Variants in ADAMTS2 observed in about 807,000 individuals in gnomAD.
ADAMTS2 encodes ADAM metallopeptidase with thrombospondin type 1 motif 2.
Under a neutral mutation model 123.0 loss-of-function variants are expected in ADAMTS2, and 50 were observed. That is an observed-to-expected ratio of 0.41 (90% CI 0.32 to 0.51). ADAMTS2 has a LOEUF of 0.51. Ranked by LOEUF, ADAMTS2 falls within the 20% of genes least tolerant of loss-of-function variation. The pLI, the probability that ADAMTS2 is intolerant of heterozygous loss-of-function variation, is 0.35. For synonymous variants in ADAMTS2, 678 were observed against 695.4 expected, an observed-to-expected ratio of 0.98 and a Z score of 0.39; for missense variants, 1,494 against 1,705.2, an observed-to-expected ratio of 0.88 and a Z score of 2.18.
At position 179,128,097 on chromosome 5, in the gene ADAMTS2, G is replaced by A. The variant is rs376995938; in HGVS notation, c.2479C>T (p.Arg827Trp). ...TVLVIPVGDTRVSLTYKYMIH... is the reference protein window; with the variant it reads ...TVLVIPVGDTWVSLTYKYMIH... ...ATGTATTTGTACGTCAGTGAGACCC[G>A]GGTGTCTCCCACCGGGATGACCTGT... Residue 827 changes from arginine to tryptophan, a missense_variant, in exon 17 of 22, where the codon CGG becomes TGG. Transcript: ENST00000251582. The surrounding 1 kb of genome is among the most constrained non-coding windows in gnomAD (Gnocchi z 4.9). 81 of 1,613,482 alleles carry A rather than the reference G, an allele frequency of 5.0e-5. 2 individuals carry two copies. Among genetic ancestry groups the A allele is most frequent in the South Asian group, 4.2e-4 (38 of 91,064 alleles).
At chr5:179,239,733 C>A (rs1233787629) in intron 3 of ADAMTS2, among the ~76,000 whole-genome samples, 1 of 152,026 alleles carries the variant, frequency 6.6e-6, no homozygotes, top group Non-Finnish European at 1.5e-5. Context: ...GACCAAGGAG[C>A]GTCCAGGACA....
chr5:179,343,688 A>C (rs1757846168), intron 2 of ADAMTS2, 79 bp downstream of exon 2: 2 of 1,548,772 alleles, frequency 1.3e-6, no homozygotes, highest in Admixed American at 3.8e-5. Context: ...TTGCCCTCCC[A>C]AGGGACTCCC....
intron 2 of ADAMTS2, among the ~76,000 whole-genome samples, chr5:179,339,327 A>G (rs944531497): frequency 7.9e-5 from 12 of 152,156 alleles, no homozygotes; most frequent in Admixed American, 5.9e-4. Flanking sequence ...TTGGGCCTGG[A>G]GCCGCTGGTG....
At chr5:179,295,896 C>T (rs978677073) in intron 2 of ADAMTS2, among the ~76,000 whole-genome samples, 3 of 152,128 alleles carry the variant, frequency 2.0e-5, no homozygotes, top group East Asian at 1.9e-4. Context: ...GCAAGGGAGG[C>T]GTGGAGACAG....
At chr5:179,194,972 T>C (rs1398182878) in intron 4 of ADAMTS2, among the ~76,000 whole-genome samples, 1 of 152,172 alleles carries the variant, frequency 6.6e-6, no homozygotes, top group Non-Finnish European at 1.5e-5. Flanking sequence ...ATCTGCGCAC[T>C]GCGATTCACG....
At chr5:179,241,978 C>T (rs1765680718) in intron 3 of ADAMTS2, among the ~76,000 whole-genome samples, 2 of 152,162 alleles carry the variant, frequency 1.3e-5, no homozygotes. Flanking sequence ...TCCCCAGTGG[C>T]TGTGGTGGGG....
At chr5:179,139,857 C>T (rs764883813) in intron 11 of ADAMTS2, 33 bp downstream of exon 11, 1 of 1,610,720 alleles carries the variant, frequency 6.2e-7, no homozygotes, top group Non-Finnish European at 8.5e-7. Context: ...AGCTGCCACT[C>T]AGCAAGGCCA....
intron 3 of ADAMTS2, among the ~76,000 whole-genome samples, chr5:179,218,671 C>CCATCAGGAGCG (rs1326036725): frequency 2.0e-5 from 3 of 152,196 alleles, no homozygotes; most frequent in Admixed American, 6.5e-5. Flanking sequence ...GCCGGCCTGG[C>CCATCAGGAGCG]CATCAGGAGC....
intron 10 of ADAMTS2, 67 bp downstream of exon 10, chr5:179,152,075 G>T: frequency 6.9e-7 from 1 of 1,441,938 alleles, no homozygotes; most frequent in Non-Finnish European, 9.7e-7. Context: ...TGTCCCTGGT[G>T]ACCCGGGCAC....
At chr5:179,123,215 C>G (rs1762793350) in intron 19 of ADAMTS2, among the ~76,000 whole-genome samples, 1 of 152,216 alleles carries the variant, frequency 6.6e-6, no homozygotes, top group African/African-American at 2.4e-5. Flanking sequence ...CACTAGTGCC[C>G]TCACTGGCTC....
chr5:179,224,235 C>T (rs1277580483), intron 3 of ADAMTS2, among the ~76,000 whole-genome samples: 1 of 152,170 alleles, frequency 6.6e-6, no homozygotes, highest in African/African-American at 2.4e-5. Flanking sequence ...CACGCTACCA[C>T]CGTCTTCTCC....
At chr5:179,224,168 C>T (rs766460778) in intron 3 of ADAMTS2, among the ~76,000 whole-genome samples, 31 of 152,268 alleles carry the variant, frequency 2.0e-4, no homozygotes, top group Middle Eastern at 3.4e-3. Flanking sequence ...ATGAGGGCGG[C>T]GTGAGGTCAG....
intron 3 of ADAMTS2, among the ~76,000 whole-genome samples, chr5:179,250,357 AG>A (rs1278868476): frequency 1.3e-5 from 2 of 152,244 alleles, no homozygotes; most frequent in East Asian, 3.8e-4. Flanking sequence ...CACATTGCAA[AG>A]GAAGAAGTAA....
At chr5:179,154,594 CT>C (rs1763432282) in intron 7 of ADAMTS2, among the ~76,000 whole-genome samples, 1 of 152,240 alleles carries the variant, frequency 6.6e-6, no homozygotes, top group Admixed American at 6.5e-5. Flanking sequence ...CCCAGAGCGC[CT>C]GCTCAGTCTG....
At chr5:179,315,325 T>TCG (rs547899229) in intron 2 of ADAMTS2, among the ~76,000 whole-genome samples, 1 of 151,718 alleles carries the variant, frequency 6.6e-6, no homozygotes, top group Non-Finnish European at 1.5e-5. Context: ...GAGGCCACAG[T>TCG]GCTTTGGGAA....
chr5:179,292,802 C>A (rs1388575060), intron 2 of ADAMTS2, among the ~76,000 whole-genome samples: 2 of 152,218 alleles, frequency 1.3e-5, no homozygotes, highest in Non-Finnish European at 2.9e-5. Flanking sequence ...GGAGTGCAGA[C>A]CACTGCCCAG....
At chr5:179,255,424 G>A (rs1034445271) in intron 3 of ADAMTS2, among the ~76,000 whole-genome samples, 7 of 152,206 alleles carry the variant, frequency 4.6e-5, no homozygotes, top group African/African-American at 1.7e-4. Context: ...GTCATCTCTA[G>A]AGGGTGAGGA....
intron 2 of ADAMTS2, among the ~76,000 whole-genome samples, chr5:179,339,090 C>A (rs572154439): frequency 1.3e-5 from 2 of 152,298 alleles, no homozygotes; most frequent in Admixed American, 6.5e-5. Flanking sequence ...CCGTGTTCAC[C>A]ACCCTGCACA....
chr5:179,130,216 GC>G lies in ADAMTS2; in HGVS notation c.2291-119del. The G allele has an allele frequency of 7.6e-7, 1 of 1,311,762 alleles. No homozygotes were observed. The highest frequency in any genetic ancestry group is 1.1e-6 in the Non-Finnish European group (1 of 929,164). 81.3% of individuals were successfully genotyped at this position (1,311,762 alleles called of 1,614,324 possible). On this transcript the variant is annotated intron_variant, in intron 15 of 21. Coordinates refer to ENST00000251582, the MANE Select transcript of ADAMTS2 (RefSeq NM_014244.5). This position sits in a 1 kb window ranked among gnomAD's most constrained non-coding sequence, Gnocchi z 4.3. ...AGCTGGACCCCTTGTCTCTCTGGCT[GC>G]CCCCGGCCAGTTTCCTCTGTGCCAC...
Sources: gnomAD v4.1 joint callset for allele counts (sites outside exome capture counted in the v4.1 genomes callset) on GRCh38, gnomAD v4.1.1 for gene constraint, Gnocchi (gnomAD v3.1) non-coding constraint, MANE v1.5 for transcripts, NCBI Gene and HGNC (gene_info 2026-07-23, HGNC 2026-07-21) for gene names.